The following TMEM156 variants were observed in gnomAD, a reference collection of about 807,000 sequenced individuals.
TMEM156 encodes transmembrane protein 156.
A neutral mutation model predicts 30.5 loss-of-function variants in TMEM156; 28 were observed. The observed-to-expected ratio is 0.92, with a 90% CI of 0.68 to 1.26. The LOEUF (loss-of-function observed/expected upper bound fraction) is 1.26. TMEM156 is among the 50% of genes most tolerant of loss of function. The pLI, the probability that TMEM156 is intolerant of heterozygous loss-of-function variation, is 0.00. For missense variants in TMEM156, 351 were observed against 340.6 expected, an observed-to-expected ratio of 1.03 and a Z score of -0.24; for synonymous variants, 137 against 119.9, an observed-to-expected ratio of 1.14 and a Z score of -0.93.
chr4:38,983,148 A>G (rs1435643059), intron 5 of TMEM156, among the ~76,000 whole-genome samples: 3 of 152,072 alleles, frequency 2.0e-5, no homozygotes, highest in Non-Finnish European at 4.4e-5. Context: ...TGCAACTTGG[A>G]CTGTATTTTT....
chr4:38,995,999 A>T (rs1191292539), intron 2 of TMEM156, among the ~76,000 whole-genome samples: 7 of 152,200 alleles, frequency 4.6e-5, no homozygotes, highest in African/African-American at 1.7e-4. Flanking sequence ...AACCTACAGA[A>T]TGAGAGAAAA....
intron 6 of TMEM156, among the ~76,000 whole-genome samples, chr4:38,969,861 G>T (rs1286643140): frequency 1.3e-5 from 2 of 152,174 alleles, no homozygotes; most frequent in African/African-American, 4.8e-5. Context: ...CCAAAGTGCT[G>T]GGATTACAGA....
intron 3 of TMEM156, among the ~76,000 whole-genome samples, chr4:38,990,995 G>A (rs1430286040): frequency 1.1e-4 from 17 of 150,594 alleles, no homozygotes; most frequent in Admixed American, 3.3e-4. Context: ...CACCATGCCC[G>A]GCTAATTTTT....
At chr4:38,969,794 T>C (rs1290127581) in intron 6 of TMEM156, among the ~76,000 whole-genome samples, 1 of 152,152 alleles carries the variant, frequency 6.6e-6, no homozygotes, top group African/African-American at 2.4e-5. Context: ...GGTTTCACCA[T>C]GTTGCTCAGG....
intron 2 of TMEM156, among the ~76,000 whole-genome samples, chr4:38,994,377 C>T (rs966075512): frequency 6.6e-6 from 1 of 152,166 alleles, no homozygotes; most frequent in African/African-American, 2.4e-5. Context: ...CCTCCCTCCT[C>T]AGACTCCTGA....
chr4:38,986,547 G>A (rs576870163), intron 4 of TMEM156, 128 bp from the exon 5 acceptor site: 11 of 668,066 alleles, frequency 1.6e-5, no homozygotes, highest in Middle Eastern at 2.7e-4. Flanking sequence ...GGTGGTTCAC[G>A]CCTGTAATCC....
intron 1 of TMEM156, among the ~76,000 whole-genome samples, chr4:39,010,859 A>C (rs1394118180): frequency 6.6e-6 from 1 of 152,230 alleles, no homozygotes. Context: ...TTAGGCAAAG[A>C]AATTATGAAT....
At chr4:39,011,584 G>C (rs1048098030) in intron 1 of TMEM156, among the ~76,000 whole-genome samples, 1 of 152,114 alleles carries the variant, frequency 6.6e-6, no homozygotes, top group Non-Finnish European at 1.5e-5. Context: ...GACCAGTCTG[G>C]CCAAGATGGT....
Position 38,986,346 on chromosome 4 carries a change from C to G in TMEM156, c.813G>C (p.Gln271His), listed in dbSNP as rs1577523919. The change falls in exon 5 of 7, where the codon CAG (glutamine) becomes CAC (histidine). Residue 271 changes from glutamine (Q) to histidine (H), a missense_variant. By Grantham distance (24) the Gln-to-His change is conservative. Coordinates refer to ENST00000381938, the MANE Select transcript of TMEM156 (RefSeq NM_024943.3). Reference sequence around the variant, plus strand: ...TGCCACAGAACTTACCTGAAAGAACCTGCACATTCAATGCTCTCAGTTTCT... The same window carrying G: ...TGCCACAGAACTTACCTGAAAGAACGTGCACATTCAATGCTCTCAGTTTCT... Reference protein sequence around the residue: ...DSEKLRALNVQVLSAETTQRL... With the variant: ...DSEKLRALNVHVLSAETTQRL... The G allele has an allele frequency of 1.2e-6, 2 of 1,613,556 alleles. No homozygotes were observed. The highest frequency in any genetic ancestry group is 1.7e-6 in the Non-Finnish European group (2 of 1,179,616).
intron 5 of TMEM156, among the ~76,000 whole-genome samples, chr4:38,985,394 C>T (rs1353957380): frequency 6.6e-6 from 1 of 152,016 alleles, no homozygotes; most frequent in African/African-American, 2.4e-5. Flanking sequence ...TATTTGAGCT[C>T]CTTAGGTGCA....
intron 1 of TMEM156, among the ~76,000 whole-genome samples, chr4:39,019,939 C>A (rs745954747): frequency 1.3e-5 from 2 of 152,152 alleles, no homozygotes; most frequent in Non-Finnish European, 2.9e-5. Flanking sequence ...CTTTGACCAA[C>A]AACTCTCCAT....
At chr4:39,025,315 T>C (rs2711973) in intron 1 of TMEM156, among the ~76,000 whole-genome samples, 29,453 of 128,794 alleles carry the variant, frequency 0.23, 4,053 homozygotes, top group African/African-American at 0.43. Context: ...ACCACTGCAC[T>C]CCAGCCTGGG....
intron 5 of TMEM156, among the ~76,000 whole-genome samples, chr4:38,979,337 G>A (rs1301362474): frequency 3.3e-5 from 5 of 152,206 alleles, no homozygotes; most frequent in African/African-American, 7.2e-5. Flanking sequence ...TGGCAGTGGG[G>A]ACCGACACCT....
intron 5 of TMEM156, chr4:38,980,822 G>T (rs1450248733): frequency 3.2e-6 from 2 of 628,982 alleles, no homozygotes; most frequent in Non-Finnish European, 4.0e-6. Flanking sequence ...GAGGCGGGAT[G>T]GTTCAGGCAG....
chr4:38,984,264 C>T (rs1217657958), intron 5 of TMEM156, among the ~76,000 whole-genome samples: 1 of 151,992 alleles, frequency 6.6e-6, no homozygotes, highest in Non-Finnish European at 1.5e-5. Flanking sequence ...TTATTTCTCT[C>T]TTGTAGGATG....
intron 6 of TMEM156, among the ~76,000 whole-genome samples, chr4:38,969,901 T>G (rs1165142399): frequency 6.6e-6 from 1 of 152,210 alleles, no homozygotes; most frequent in African/African-American, 2.4e-5. Flanking sequence ...AGGTGATTTA[T>G]TTTCCTTTGG....
At chr4:39,001,088 T>A (rs1020845886) in intron 1 of TMEM156, among the ~76,000 whole-genome samples, 1 of 151,798 alleles carries the variant, frequency 6.6e-6, no homozygotes. Flanking sequence ...ATTCCCAGTC[T>A]GATAGTCTTT....
chr4:39,000,540 G>A (rs886318530), intron 1 of TMEM156, among the ~76,000 whole-genome samples: 2 of 152,178 alleles, frequency 1.3e-5, no homozygotes, highest in African/African-American at 4.8e-5. Context: ...ACATCAAATT[G>A]TATAGTACAT....
intron 5 of TMEM156, among the ~76,000 whole-genome samples, chr4:38,980,613 T>A (rs1723131272): frequency 6.6e-6 from 1 of 152,028 alleles, no homozygotes; most frequent in South Asian, 2.1e-4. Flanking sequence ...AACACAAAAA[T>A]GTAAAATAGC....
Sources: gnomAD v4.1 joint callset for allele counts (sites outside exome capture counted in the v4.1 genomes callset) on GRCh38, gnomAD v4.1.1 for gene constraint, MANE v1.5 for transcripts, NCBI Gene and HGNC (gene_info 2026-07-23, HGNC 2026-07-21) for gene names.